KAT14: variants seen among roughly 807,000 people sequenced by gnomAD.
KAT14 encodes the protein cysteine-rich protein 2-binding protein.
In KAT14, 66 loss-of-function variants were observed where a neutral mutation model predicts 78.4. That is an observed-to-expected ratio of 0.84 (90% CI 0.69 to 1.03). The LOEUF (loss-of-function observed/expected upper bound fraction) is 1.03, where lower values mean the gene tolerates loss of function less well. Among genes scored for constraint, KAT14 ranks in the 50% least tolerant of loss-of-function variants. The probability of loss-of-function intolerance (pLI) is 0.00; values close to 1 mark genes in which losing one functional copy is unlikely to be tolerated. For synonymous variants in KAT14, 344 were observed against 359.4 expected (o/e 0.96, Z 0.48); for missense variants, 870 against 972.5 (o/e 0.89, Z 1.40).
intron 7 of KAT14, among the ~76,000 whole-genome samples, chr20:18,163,742 G>A (rs920829134): frequency 3.3e-5 from 5 of 152,178 alleles, no homozygotes; most frequent in African/African-American, 1.2e-4. Flanking sequence ...TGTGCCGTAT[G>A]TAGGGCTTAT....
intron 4 of KAT14, among the ~76,000 whole-genome samples, chr20:18,154,755 A>G (rs2038164772): frequency 6.6e-6 from 1 of 152,228 alleles, no homozygotes; most frequent in Non-Finnish European, 1.5e-5. Context: ...TACCAATTAA[A>G]TTATGACATA....
intron 10 of KAT14, among the ~76,000 whole-genome samples, chr20:18,185,792 T>C (rs908320122): frequency 6.6e-6 from 1 of 152,190 alleles, no homozygotes; most frequent in Non-Finnish European, 1.5e-5. Flanking sequence ...AAGTTGTTTC[T>C]CCAATTTTTA....
At chr20:18,160,678 C>G (rs1295198459) in intron 5 of KAT14, among the ~76,000 whole-genome samples, 1 of 152,032 alleles carries the variant, frequency 6.6e-6, no homozygotes, top group Non-Finnish European at 1.5e-5. Context: ...AACTGTTGGG[C>G]TCAAGTGATC....
chr20:18,174,177 A>G (rs550686662), intron 7 of KAT14, among the ~76,000 whole-genome samples: 19 of 152,362 alleles, frequency 1.2e-4, no homozygotes, highest in Non-Finnish European at 2.6e-4. Context: ...TTAATATTCC[A>G]TTGTATGGAT....
At chr20:18,186,388 C>T (rs1471046593) in intron 10 of KAT14, among the ~76,000 whole-genome samples, 1 of 152,156 alleles carries the variant, frequency 6.6e-6, no homozygotes, top group African/African-American at 2.4e-5. Flanking sequence ...GTGCTCTTGT[C>T]CCTGGCATAC....
In KAT14 at chr20:18,155,608, A is replaced by T. The variant is rs574804809; in HGVS notation, c.501-3476A>T. 3.9e-5 allele frequency among the ~76,000 whole-genome samples: 6 copies of T among 152,330 alleles called. No individual in the cohort carries two copies. The East Asian group carries it at 1.2e-3, about 29-fold the overall frequency. ...GCATTTAATAGACACTTCTTCAAAG[A>T]TATTAAAATGGCCAATAAGCACATC... On this transcript the variant is annotated intron_variant, in intron 4 of 10. Coordinates refer to ENST00000688188, the MANE Select transcript of KAT14 (RefSeq NM_001392073.1).
chr20:18,158,950 C>T (rs915620543), intron 4 of KAT14, 134 bp from the exon 5 acceptor site: 2 of 1,095,096 alleles, frequency 1.8e-6, no homozygotes, highest in African/African-American at 1.6e-5. Context: ...TCTCTCCTGC[C>T]TCTCGTGCTC....
Position 18,141,016 on chromosome 20 carries a change from C to T in KAT14, c.-453-1192C>T, listed in dbSNP as rs1331481285. Among the ~76,000 whole-genome samples, 2 of 125,516 alleles carry T rather than the reference C, an allele frequency of 1.6e-5. 1 individual carries two copies. Among genetic ancestry groups the T allele is most frequent in the Non-Finnish European group, 3.3e-5 (2 of 61,286 alleles). 82.3% of individuals were successfully genotyped at this position (125,516 alleles called of 152,430 possible). A position where few individuals can be genotyped will look rare whatever the true frequency, so the allele number is the denominator to read the frequency against. ...GGGAACACAGGCACACACCACCACTCCCTGCAATTTTTTTTTTTTTTTTTT... is the reference window on the plus strand; with the variant it reads ...GGGAACACAGGCACACACCACCACTTCCTGCAATTTTTTTTTTTTTTTTTT... On this transcript the variant is annotated intron_variant, in intron 1 of 10. Transcript: ENST00000688188.
chr20:18,138,319 G>T, intron 1 of KAT14: 1 of 1,158,138 alleles, frequency 8.6e-7, no homozygotes, highest in Non-Finnish European at 1.1e-6. Flanking sequence ...GCGCTGAAGG[G>T]GCCTTGCTCC....
At chr20:18,149,291 T>TCAC (rs1245438992) in intron 3 of KAT14, among the ~76,000 whole-genome samples, 1 of 152,244 alleles carries the variant, frequency 6.6e-6, no homozygotes, top group African/African-American at 2.4e-5. Flanking sequence ...TGCTGTGTAA[T>TCAC]CACCACCACC....
intron 7 of KAT14, among the ~76,000 whole-genome samples, chr20:18,164,842 A>T (rs2038582710): frequency 6.6e-6 from 1 of 151,656 alleles, no homozygotes; most frequent in South Asian, 2.1e-4. Context: ...GCCCAGACTG[A>T]TCTCAAACTC....
At chr20:18,171,924 C>T (rs1299502076) in intron 7 of KAT14, among the ~76,000 whole-genome samples, 1 of 152,168 alleles carries the variant, frequency 6.6e-6, no homozygotes, top group Non-Finnish European at 1.5e-5. Flanking sequence ...GCCACCACCA[C>T]CCTGATCAGT....
chr20:18,152,868 G>A (rs2146386749), intron 4 of KAT14, among the ~76,000 whole-genome samples: 1 of 152,316 alleles, frequency 6.6e-6, no homozygotes, highest in African/African-American at 2.4e-5. Flanking sequence ...GCTCTCCCCA[G>A]TGGCTGCTTT....
intron 7 of KAT14, among the ~76,000 whole-genome samples, chr20:18,172,249 G>A (rs112883065): frequency 0.035 from 5,330 of 151,674 alleles, 297 homozygotes; most frequent in African/African-American, 0.12. Context: ...CTAAAGGTGC[G>A]TGCCACCACG....
At chr20:18,169,582 C>G (rs2038777026) in intron 7 of KAT14, among the ~76,000 whole-genome samples, 1 of 152,188 alleles carries the variant, frequency 6.6e-6, no homozygotes, top group South Asian at 2.1e-4. Context: ...GTTGCACTAA[C>G]CAGCTGTTCC....
At chr20:18,159,334 C>A in intron 5 of KAT14, 69 bp downstream of exon 5, 1 of 1,540,772 alleles carries the variant, frequency 6.5e-7, no homozygotes, top group Non-Finnish European at 8.7e-7. Flanking sequence ...GCCCAGGAGA[C>A]GCTCCTGCTT....
chr20:18,149,804 G>A (rs138545653), intron 3 of KAT14, among the ~76,000 whole-genome samples: 42 of 152,058 alleles, frequency 2.8e-4, no homozygotes, highest in Non-Finnish European at 6.0e-4. Context: ...ACAAAAATTA[G>A]CCAGGAGTGG....
intron 5 of KAT14, among the ~76,000 whole-genome samples, chr20:18,160,715 G>A (rs2038388381): frequency 1.3e-5 from 2 of 152,072 alleles, no homozygotes; most frequent in South Asian, 4.1e-4. Flanking sequence ...CAAAAGTGCT[G>A]GGATTACAGG....
intron 3 of KAT14, among the ~76,000 whole-genome samples, chr20:18,146,669 C>T (rs1218304853): frequency 6.6e-6 from 1 of 150,970 alleles, no homozygotes; most frequent in Admixed American, 6.6e-5. Context: ...CAAAAAAAAC[C>T]AAAAAAACAA....
Sources: allele counts gnomAD v4.1 joint callset (sites outside exome capture counted in the v4.1 genomes callset), GRCh38; gene constraint gnomAD v4.1.1; transcripts MANE v1.5; gene names NCBI Gene and HGNC (gene_info 2026-07-23, HGNC 2026-07-21).